Variants in LRRIQ1 observed in about 807,000 individuals in gnomAD.
LRRIQ1 encodes leucine-rich repeat- and IQ domain-containing protein 1.
A neutral mutation model predicts 211.9 loss-of-function variants in LRRIQ1; 210 were observed. The observed-to-expected ratio is 0.99, with a 90% CI of 0.89 to 1.11. The LOEUF is 1.11. Ranked by LOEUF, LRRIQ1 falls within the 50% of genes most tolerant of loss-of-function variation. The pLI is 0.00. For missense variants in LRRIQ1, 2,136 were observed against 1,939.5 expected, an observed-to-expected ratio of 1.10 and a Z score of -1.90; for synonymous variants, 699 against 650.1, an observed-to-expected ratio of 1.08 and a Z score of -1.14.
chr12:85,049,445 G>A (rs1053187367), intron 6 of LRRIQ1, among the ~76,000 whole-genome samples: 2 of 152,086 alleles, frequency 1.3e-5, no homozygotes, highest in African/African-American at 2.4e-5. Flanking sequence ...TTCTGCCAAA[G>A]GTTAGCTTTT....
chr12:85,072,449 AT>A lies in LRRIQ1; in HGVS notation c.2696-451del, dbSNP rs915573149. On this transcript the variant is annotated intron_variant, in intron 10 of 26. Transcript: ENST00000393217. ...ATGTGTAAGATCTACCTTACTGATA[AT>A]TTTTTTAAAGGTGATCTGTTTGCTT... Among the ~76,000 whole-genome samples, 37 of 151,244 alleles carry A rather than the reference AT, an allele frequency of 2.4e-4. 1 individual carries two copies. The highest frequency in any genetic ancestry group is 9.0e-4 in the African/African-American group (37 of 41,298).
chr12:85,264,948 A>C (rs1193087161), downstream of LRRIQ1, among the ~76,000 whole-genome samples: 1 of 152,056 alleles, frequency 6.6e-6, no homozygotes, highest in Non-Finnish European at 1.5e-5. Context: ...TAAGAATGGT[A>C]AAATGAATAG....
intron 14 of LRRIQ1, among the ~76,000 whole-genome samples, chr12:85,104,551 C>G (rs1886634301): frequency 6.6e-6 from 1 of 151,846 alleles, no homozygotes; most frequent in Non-Finnish European, 1.5e-5. Context: ...TTGGATCAAA[C>G]AGTACATTCC....
intron 19 of LRRIQ1, among the ~76,000 whole-genome samples, chr12:85,139,480 A>T (rs1482062160): frequency 6.6e-6 from 1 of 151,480 alleles, no homozygotes; most frequent in Non-Finnish European, 1.5e-5. Flanking sequence ...ATATAGTCTT[A>T]TGGTTTCATG....
At chr12:85,272,606 T>C in the LRRIQ1 span, among the ~76,000 whole-genome samples, 3 of 152,172 alleles carry the variant, frequency 2.0e-5, no homozygotes, top group Non-Finnish European at 4.4e-5. Flanking sequence ...TTTTGGTAAC[T>C]TAAAAATACT....
chr12:85,083,337 A>G (rs1210471794), intron 11 of LRRIQ1, among the ~76,000 whole-genome samples: 1 of 152,148 alleles, frequency 6.6e-6, no homozygotes, highest in Admixed American at 6.6e-5. Flanking sequence ...CTCTTTTGGA[A>G]ATATTCTAAA....
At chr12:85,265,472 T>C (rs1052489477), downstream of LRRIQ1, among the ~76,000 whole-genome samples, 3 of 152,056 alleles carry the variant, frequency 2.0e-5, no homozygotes, top group Non-Finnish European at 4.4e-5. Context: ...CTTTTCAGTA[T>C]ACAATGAAAT....
intron 20 of LRRIQ1, 64 bp downstream of exon 20, chr12:85,152,433 T>G (rs1401647139): frequency 8.1e-7 from 1 of 1,231,384 alleles, no homozygotes. Context: ...TATGCTATGT[T>G]GCAGTGATTA....
intron 11 of LRRIQ1, among the ~76,000 whole-genome samples, chr12:85,095,611 G>T (rs1334052249): frequency 1.3e-5 from 2 of 151,898 alleles, no homozygotes; most frequent in Admixed American, 1.3e-4. Flanking sequence ...GCCAGATTTT[G>T]GTATTAGAGT....
chr12:85,210,777 T>C (rs1313288188), intron 24 of LRRIQ1, among the ~76,000 whole-genome samples: 1 of 102,096 alleles, frequency 9.8e-6, no homozygotes, highest in East Asian at 3.0e-4. Context: ...TTTTAAAAAA[T>C]GTTTGTTTGT....
chr12:85,140,140 C>T (rs1889423689), intron 19 of LRRIQ1, among the ~76,000 whole-genome samples: 1 of 151,242 alleles, frequency 6.6e-6, no homozygotes, highest in Non-Finnish European at 1.5e-5. Flanking sequence ...TTTTTCAAAA[C>T]TGAATTTAAT....
intron 11 of LRRIQ1, among the ~76,000 whole-genome samples, chr12:85,074,635 A>T (rs2136120128): frequency 1.3e-5 from 2 of 151,438 alleles, no homozygotes; most frequent in Middle Eastern, 6.8e-3. Flanking sequence ...ACATCCTTCT[A>T]CTCTCTATTT....
intron 24 of LRRIQ1, among the ~76,000 whole-genome samples, chr12:85,210,813 G>C (rs1278600365): frequency 6.6e-6 from 1 of 152,178 alleles, no homozygotes; most frequent in East Asian, 1.9e-4. Context: ...AGAAGATAAA[G>C]ATAGTGTGCC....
intron 7 of LRRIQ1, among the ~76,000 whole-genome samples, chr12:85,053,852 C>T (rs1880635796): frequency 6.6e-6 from 1 of 152,082 alleles, no homozygotes; most frequent in African/African-American, 2.4e-5. Context: ...GGACTACAGG[C>T]GCCCGCCACT....
chr12:85,241,235 G>A (rs1895444272), intron 26 of LRRIQ1, among the ~76,000 whole-genome samples: 1 of 151,864 alleles, frequency 6.6e-6, no homozygotes. Flanking sequence ...AAACTTCTAT[G>A]GGAGTTGAAC....
At chr12:85,074,485 A>G (rs767386395) in intron 11 of LRRIQ1, among the ~76,000 whole-genome samples, 11 of 151,944 alleles carry the variant, frequency 7.2e-5, no homozygotes, top group Non-Finnish European at 1.6e-4. Flanking sequence ...ATGTAAAATT[A>G]AGTTATTATT....
intron 15 of LRRIQ1, among the ~76,000 whole-genome samples, chr12:85,112,727 A>G (rs1469594142): frequency 6.6e-6 from 1 of 151,960 alleles, no homozygotes; most frequent in Non-Finnish European, 1.5e-5. Flanking sequence ...TTCAGATGCG[A>G]TTTCAGGGAA....
intron 17 of LRRIQ1, among the ~76,000 whole-genome samples, chr12:85,127,409 C>T (rs960702592): frequency 6.6e-6 from 1 of 152,174 alleles, no homozygotes; most frequent in Non-Finnish European, 1.5e-5. Flanking sequence ...AAGGAAGCCT[C>T]CTTCCTCTTA....
Position 85,164,486 on chromosome 12 carries a change from T to A in LRRIQ1, c.4822+3772T>A, listed in dbSNP as rs931818383. 2.4e-4 allele frequency among the ~76,000 whole-genome samples: 36 copies of A among 152,206 alleles called. 1 individual carries two copies. Among genetic ancestry groups the A allele is most frequent in the Non-Finnish European group, 2.2e-4 (15 of 68,030 alleles). ...TGTGAGAATCTTGGAACACACAATC[T>A]AAGTACATATTAAGTGCTCAAAATG... On this transcript the variant is annotated intron_variant, in intron 24 of 26. Coordinates refer to ENST00000393217, the MANE Select transcript of LRRIQ1 (RefSeq NM_001079910.2).
Sources: gnomAD v4.1 joint callset for allele counts (sites outside exome capture counted in the v4.1 genomes callset) on GRCh38, gnomAD v4.1.1 for gene constraint, MANE v1.5 for transcripts, NCBI Gene and HGNC (gene_info 2026-07-23, HGNC 2026-07-21) for gene names.